The following NCKAP1L variants were observed in gnomAD, a reference collection of about 807,000 sequenced individuals.
NCKAP1L encodes the protein NCK associated protein 1 like.
A neutral mutation model predicts 139.2 loss-of-function variants in NCKAP1L; 53 were observed. The ratio of observed to expected loss-of-function variants is 0.38; its 90% CI spans 0.31 to 0.48. The LOEUF is 0.48. Among genes scored for constraint, NCKAP1L ranks in the 20% least tolerant of loss-of-function variants. The pLI is 0.98. For synonymous variants in NCKAP1L, 468 were observed against 499.7 expected (o/e 0.94, Z 0.85); for missense variants, 1,151 against 1,381.9 (o/e 0.83, Z 2.65).
intron 28 of NCKAP1L, chr12:54,536,464 A>G (rs1957113608): frequency 2.3e-6 from 1 of 440,628 alleles, no homozygotes. Flanking sequence ...CATGAGTTCC[A>G]GACCAGCCTA....
intron 3 of NCKAP1L, among the ~76,000 whole-genome samples, chr12:54,507,310 G>A (rs193235395): frequency 6.6e-6 from 1 of 152,150 alleles, no homozygotes; most frequent in African/African-American, 2.4e-5. Context: ...AAAAGGAGAA[G>A]AATCCCTATC....
intron 3 of NCKAP1L, among the ~76,000 whole-genome samples, chr12:54,503,014 AAAAAAGAAAC>A (rs1956812641): frequency 6.6e-6 from 1 of 151,234 alleles, no homozygotes; most frequent in Non-Finnish European, 1.5e-5. Flanking sequence ...CAAAAAAAAA[AAAAAAGAAAC>A]AAAACCCCAC....
At chr12:54,533,574 AT>A in intron 26 of NCKAP1L, among the ~76,000 whole-genome samples, 1 of 148,366 alleles carries the variant, frequency 6.7e-6, no homozygotes, top group Middle Eastern at 3.6e-3. Context: ...TGTCTGTGGG[AT>A]TCTTTTTTTT....
intron 3 of NCKAP1L, among the ~76,000 whole-genome samples, chr12:54,501,238 T>C (rs1019650389): frequency 2.0e-5 from 3 of 152,214 alleles, no homozygotes; most frequent in African/African-American, 7.2e-5. Flanking sequence ...GCTTATTTCA[T>C]CAGCCTAATG....
intron 22 of NCKAP1L, 61 bp from the exon 23 acceptor site, chr12:54,531,199 G>A: frequency 1.6e-6 from 2 of 1,254,506 alleles, no homozygotes; most frequent in Non-Finnish European, 1.2e-6. Context: ...CCCTATAGCT[G>A]TTGTACAAAT....
At chr12:54,521,432 G>A (rs2120930318) in intron 18 of NCKAP1L, among the ~76,000 whole-genome samples, 194 bp downstream of exon 18, 1 of 152,250 alleles carries the variant, frequency 6.6e-6, no homozygotes, top group South Asian at 2.1e-4. Flanking sequence ...CCTCCCTTAG[G>A]ACTGGATAGA....
At chr12:54,499,060 G>A (rs1010747568) in intron 1 of NCKAP1L, among the ~76,000 whole-genome samples, 12 of 152,030 alleles carry the variant, frequency 7.9e-5, no homozygotes, top group African/African-American at 2.9e-4. Flanking sequence ...CAAGTACCTG[G>A]GACTACAGTT....
rs1244368705 is a variant in NCKAP1L, at chr12:54,548,053, AT to A, written c.*5369del. On this transcript the variant is annotated 3_prime_UTR_variant, in exon 31 of 31. Coordinates refer to ENST00000293373, the MANE Select transcript of NCKAP1L (RefSeq NM_005337.5). ...GCTGACCTAACTTGGCAATTCTTTT[AT>A]GTTAGGAGTCTTAGCTGTGACAGTT... 4 of 152,108 alleles carry A rather than the reference AT, an allele frequency of 2.6e-5. No homozygotes were observed. In the East Asian group the frequency reaches 5.8e-4, roughly 22 times the overall value. 9.4% of individuals were successfully genotyped at this position (152,108 alleles called of 1,614,324 possible).
At position 54,497,770 on chromosome 12, in the gene NCKAP1L, C is replaced by G. The variant is rs774049885; in HGVS notation, c.-20C>G. On this transcript the variant is annotated 5_prime_UTR_variant, in exon 1 of 31. Transcript: ENST00000293373. ...GGAGATCAGACATTGCTGTCTGGTG[C>G]TCCTCTCTCAGTGGCCATCATGTCT... is the stretch of plus-strand genomic sequence containing the variant. 4,736 of 1,287,722 alleles carry G rather than the reference C, an allele frequency of 3.7e-3. No individual in the cohort carries two copies. Among genetic ancestry groups the G allele is most frequent in the Non-Finnish European group, 4.9e-3 (4,297 of 882,886 alleles). The allele number at this position is 1,287,722 out of a possible 1,614,324, so 79.8% of individuals were successfully genotyped here. A position where few individuals can be genotyped will look rare whatever the true frequency, so the allele number is the denominator to read the frequency against.
rs1313638897 is a variant in NCKAP1L, at chr12:54,531,432, A to C, written c.2605-59A>C. On this transcript the variant is annotated intron_variant, in intron 23 of 30. Transcript: ENST00000293373. Reference sequence around the variant, plus strand: ...GGGTGGGTATAGGAGACTGGGGGGGAAGATGTAACATTGGTCTCTTCTTTT... The same window carrying C: ...GGGTGGGTATAGGAGACTGGGGGGGCAGATGTAACATTGGTCTCTTCTTTT... 4 of 1,605,444 alleles carry C rather than the reference A, an allele frequency of 2.5e-6. No homozygotes were observed. In the African/African-American group the frequency reaches 5.4e-5, roughly 22 times the overall value.
intron 3 of NCKAP1L, among the ~76,000 whole-genome samples, chr12:54,505,864 G>T (rs1413952734): frequency 6.6e-6 from 1 of 152,128 alleles, no homozygotes; most frequent in Non-Finnish European, 1.5e-5. Flanking sequence ...GTTTCTCCAT[G>T]TTGGTCAGGC....
At chr12:54,533,394 C>T (rs1424218959) in intron 26 of NCKAP1L, among the ~76,000 whole-genome samples, 1 of 152,222 alleles carries the variant, frequency 6.6e-6, no homozygotes, top group Non-Finnish European at 1.5e-5. Context: ...ATCCCTTCAA[C>T]CATCCCTTTC....
At chr12:54,504,602 G>A (rs1281511067) in intron 3 of NCKAP1L, among the ~76,000 whole-genome samples, 1 of 152,184 alleles carries the variant, frequency 6.6e-6, no homozygotes, top group Non-Finnish European at 1.5e-5. Context: ...GTTTAGGAAA[G>A]GAGGGGAAAT....
chr12:54,516,301 G>A lies in NCKAP1L; in HGVS notation c.998+6G>A, dbSNP rs949744778. 6 of 1,613,502 alleles carry A rather than the reference G, an allele frequency of 3.7e-6. No homozygotes were observed. In the African/African-American group the frequency reaches 8.0e-5, roughly 22 times the overall value. On this transcript the variant is annotated splice_donor_region_variant and intron_variant, in intron 10 of 30. Coordinates refer to ENST00000293373, the MANE Select transcript of NCKAP1L (RefSeq NM_005337.5). ...GAACATGTAATTGCAAACAGGTAAA[G>A]GGTGGTGAATGCACTCTCTGAGAGG...
chr12:54,534,993 T>A (rs1404564858), intron 26 of NCKAP1L, 111 bp from the exon 27 acceptor site: 1 of 725,760 alleles, frequency 1.4e-6, no homozygotes, highest in Non-Finnish European at 2.2e-6. Flanking sequence ...TATAAAAGCA[T>A]CTTTAAAAAA....
At chr12:54,522,569 A>G (rs1018051238) in intron 18 of NCKAP1L, among the ~76,000 whole-genome samples, 2 of 152,214 alleles carry the variant, frequency 1.3e-5, no homozygotes, top group South Asian at 4.1e-4. Context: ...CTTTTGCACA[A>G]TCTCAGGGTT....
At chr12:54,509,100 C>T (rs569322495) in intron 5 of NCKAP1L, among the ~76,000 whole-genome samples, 1 of 152,234 alleles carries the variant, frequency 6.6e-6, no homozygotes, top group East Asian at 1.9e-4. Context: ...TTAGAGGTAA[C>T]TAATGCGTGA....
chr12:54,526,786 T>C (rs1262911134), intron 21 of NCKAP1L, 40 bp downstream of exon 21: 2 of 1,557,812 alleles, frequency 1.3e-6, no homozygotes, highest in Admixed American at 1.8e-5. Context: ...TTACTTTGTG[T>C]TGGCACTTTT....
chr12:54,527,226 C>G (rs1957033595), intron 21 of NCKAP1L, among the ~76,000 whole-genome samples: 1 of 152,184 alleles, frequency 6.6e-6, no homozygotes, highest in South Asian at 2.1e-4. Flanking sequence ...AGGTGGGAAT[C>G]AGCACTGTTT....
Sources: gnomAD v4.1 joint callset for allele counts (sites outside exome capture counted in the v4.1 genomes callset) on GRCh38, gnomAD v4.1.1 for gene constraint, MANE v1.5 for transcripts, NCBI Gene and HGNC (gene_info 2026-07-23, HGNC 2026-07-21) for gene names.